The following PRKCQ variants were observed in gnomAD, a reference collection of about 807,000 sequenced individuals.
PRKCQ encodes protein kinase C theta type.
A neutral mutation model predicts 91.2 loss-of-function variants in PRKCQ; 41 were observed. That is an observed-to-expected ratio of 0.45 (90% CI 0.35 to 0.58). The LOEUF (loss-of-function observed/expected upper bound fraction) is 0.58, where lower values mean the gene tolerates loss of function less well. Ranked by LOEUF, PRKCQ falls within the 20% of genes least tolerant of loss-of-function variation. PRKCQ has a pLI of 0.00. For synonymous variants in PRKCQ, 307 were observed against 316.9 expected (o/e 0.97, Z 0.33); for missense variants, 673 against 896.5 (o/e 0.75, Z 3.18).
At chr10:6,407,440 CGCAT>C in the PRKCQ span, among the ~76,000 whole-genome samples, 1 of 149,656 alleles carries the variant, frequency 6.7e-6, no homozygotes, top group Non-Finnish European at 1.5e-5. This position sits in a 1 kb window ranked among gnomAD's most constrained non-coding sequence, Gnocchi z 4.0. Flanking sequence ...TACATGTGTG[CGCAT>C]GCATGCATGT....
At chr10:6,442,191 C>T (rs1834005647) in intron 15 of PRKCQ, 110 bp from the exon 16 acceptor site, 1 of 1,051,666 alleles carries the variant, frequency 9.5e-7, no homozygotes. Flanking sequence ...TGATGGTGTG[C>T]AAGAAAGATC....
chr10:6,478,925 C>T (rs1268920170), intron 12 of PRKCQ, 67 bp downstream of exon 12: 30 of 1,541,312 alleles, frequency 1.9e-5, no homozygotes, highest in South Asian at 7.3e-5. Context: ...CTAATGAGGG[C>T]GCCATTGAAG....
At chr10:6,546,360 G>A (rs1055529378) in intron 1 of PRKCQ, among the ~76,000 whole-genome samples, 3 of 152,184 alleles carry the variant, frequency 2.0e-5, no homozygotes, top group Non-Finnish European at 4.4e-5. Context: ...AGTGCCCCTT[G>A]GGGTAGAGCA....
intron 1 of PRKCQ, among the ~76,000 whole-genome samples, chr10:6,562,786 C>G (rs1840682891): frequency 1.3e-5 from 2 of 152,076 alleles, no homozygotes; most frequent in South Asian, 2.1e-4. Flanking sequence ...GCTATTTAAC[C>G]TCACTTTTCT....
Position 6,428,071 on chromosome 10 carries a change from G to T in PRKCQ, c.*136C>A. 9.2e-7 allele frequency: 1 copy of T among 1,085,276 alleles called. No homozygotes were observed. Among genetic ancestry groups the T allele is most frequent in the Non-Finnish European group, 1.3e-6 (1 of 751,936 alleles). The allele number at this position is 1,085,276 out of a possible 1,614,324, so 67.2% of individuals were successfully genotyped here. On this transcript the variant is annotated 3_prime_UTR_variant, in exon 18 of 18. Coordinates refer to ENST00000263125, the MANE Select transcript of PRKCQ (RefSeq NM_006257.5). ...TTTCTGCTACAGATAAAAGTCACATGGGGGCGAACGGGTCTCAGTCTTTAT... is the reference window on the plus strand; with the variant it reads ...TTTCTGCTACAGATAAAAGTCACATTGGGGCGAACGGGTCTCAGTCTTTAT...
At chr10:6,493,564 CATTT>C (rs1377717276) in intron 7 of PRKCQ, among the ~76,000 whole-genome samples, 1 of 152,130 alleles carries the variant, frequency 6.6e-6, no homozygotes, top group African/African-American at 2.4e-5. Context: ...ATATCACAGA[CATTT>C]ATTTATGTAG....
chr10:6,492,334 T>C (rs1250306993), intron 7 of PRKCQ, among the ~76,000 whole-genome samples: 1 of 152,172 alleles, frequency 6.6e-6, no homozygotes, highest in Non-Finnish European at 1.5e-5. Flanking sequence ...ACACCTATTA[T>C]TCATGAACTG....
chr10:6,521,858 C>T (rs1761812392), intron 1 of PRKCQ, among the ~76,000 whole-genome samples: 1 of 152,020 alleles, frequency 6.6e-6, no homozygotes, highest in African/African-American at 2.4e-5. Context: ...CTTTTGCTAC[C>T]CCAGCTGCAA....
intron 1 of PRKCQ, among the ~76,000 whole-genome samples, chr10:6,546,366 G>C (rs929127413): frequency 2.0e-5 from 3 of 152,342 alleles, no homozygotes; most frequent in East Asian, 1.9e-4. Flanking sequence ...CCTTGGGGTA[G>C]AGCAAGATGA....
rs531951838 is a variant in PRKCQ, at chr10:6,460,934, C to T, written c.1508+1369G>A. Among the ~76,000 whole-genome samples the T allele has an allele frequency of 9.2e-5, 14 of 151,792 alleles. No homozygotes were observed. The East Asian group carries it at 1.2e-3, about 13-fold the overall frequency. On this transcript the variant is annotated intron_variant, in intron 14 of 17. Transcript: ENST00000263125. ...CCGTCCAACCATCTGTTCATCCATCCGTTGTCCATCCATCCATCATCCATA... is the reference window on the plus strand; with the variant it reads ...CCGTCCAACCATCTGTTCATCCATCTGTTGTCCATCCATCCATCATCCATA...
Position 6,486,099 on chromosome 10 carries a change from T to G in PRKCQ, c.836A>C (p.Asn279Thr). 6.2e-7 allele frequency: 1 copy of G among 1,614,146 alleles called. No individual in the cohort carries two copies. Among genetic ancestry groups the G allele is most frequent in the Non-Finnish European group, 8.5e-7 (1 of 1,180,018 alleles). The change falls in exon 9 of 18, where the codon AAC becomes ACC. Residue 279 changes from asparagine (N) to threonine (T), a missense_variant. Physicochemically the swap from Asn to Thr is moderately conservative, Grantham distance 65 (BLOSUM62 0). Coordinates refer to ENST00000263125, the MANE Select transcript of PRKCQ (RefSeq NM_006257.5). The part of the protein sequence containing the change: ...VHHRCQTKVA[N>T]LCGINQKLMA... ...TAGCTTCTGGTTTATGCCACAAAGG[T>G]TGGCCACCTTTGTCTGGCATCTATG...
At chr10:6,507,362 G>A (rs1838251871) in intron 4 of PRKCQ, 74 bp downstream of exon 4, 2 of 1,382,138 alleles carry the variant, frequency 1.4e-6, no homozygotes, top group Admixed American at 3.4e-5. Context: ...TAATTGCAAA[G>A]GTAAAATAAG....
the PRKCQ span, among the ~76,000 whole-genome samples, chr10:6,409,785 T>G: frequency 6.6e-6 from 1 of 152,206 alleles, no homozygotes; most frequent in Non-Finnish European, 1.5e-5. Context: ...ATTGATATAT[T>G]GAAAAGCTAT....
chr10:6,479,662 G>T (rs1469598106), intron 11 of PRKCQ, among the ~76,000 whole-genome samples: 1 of 151,092 alleles, frequency 6.6e-6, no homozygotes, highest in Non-Finnish European at 1.5e-5. Flanking sequence ...AGGTGCGGTG[G>T]CTCAAGCCTA....
the PRKCQ span, among the ~76,000 whole-genome samples, chr10:6,410,652 G>A: frequency 6.6e-6 from 1 of 152,202 alleles, no homozygotes; most frequent in Non-Finnish European, 1.5e-5. Flanking sequence ...TAGACAAAAT[G>A]TCTTACAATG....
the PRKCQ span, among the ~76,000 whole-genome samples, chr10:6,405,235 A>G: frequency 1.3e-5 from 2 of 152,150 alleles, no homozygotes; most frequent in Non-Finnish European, 2.9e-5. Flanking sequence ...TGCCCATCTC[A>G]GCCTCCCAGA....
At chr10:6,500,898 G>C (rs991101092) in intron 4 of PRKCQ, among the ~76,000 whole-genome samples, 2 of 152,148 alleles carry the variant, frequency 1.3e-5, no homozygotes, top group African/African-American at 4.8e-5. Flanking sequence ...CACAGGCACA[G>C]AACAGCCAAC....
Position 6,511,160 on chromosome 10 carries a change from G to A in PRKCQ, c.153C>T (p.Thr51=), listed in dbSNP as rs1229012492. 1.2e-6 allele frequency: 2 copies of A among 1,613,964 alleles called. No homozygotes were observed. The highest frequency in any genetic ancestry group is 1.7e-6 in the Non-Finnish European group (2 of 1,180,012). The change falls in exon 3 of 18, where the codon ACC becomes ACT. Residue 51 remains threonine, a synonymous_variant. Coordinates refer to ENST00000263125, the MANE Select transcript of PRKCQ (RefSeq NM_006257.5). The part of the protein sequence containing the change: ...NGQMYIQKKP[T]MYPPWDSTFD... ...AAGTGCTGTCCCAGGGTGGGTACAT[G>A]GTAGGCTTTTTCTGGATATACATCT...
At chr10:6,438,879 T>A (rs373923918) in intron 16 of PRKCQ, among the ~76,000 whole-genome samples, 6 of 152,364 alleles carry the variant, frequency 3.9e-5, no homozygotes, top group African/African-American at 1.2e-4. Flanking sequence ...GTTCCAGGCA[T>A]GAGCCACCAC....
Sources: allele counts gnomAD v4.1 joint callset (sites outside exome capture counted in the v4.1 genomes callset), GRCh38; gene constraint gnomAD v4.1.1; non-coding constraint Gnocchi (gnomAD v3.1); transcripts MANE v1.5; gene names NCBI Gene and HGNC (gene_info 2026-07-23, HGNC 2026-07-21).